MPPED2: variants seen among roughly 807,000 people sequenced by gnomAD.
MPPED2 encodes the protein metallophosphoesterase domain containing 2.
In MPPED2, 5 loss-of-function variants were observed where a neutral mutation model predicts 33.0. That is an observed-to-expected ratio of 0.15 (90% CI 0.08 to 0.32). The LOEUF (loss-of-function observed/expected upper bound fraction) is 0.32, where lower values mean the gene tolerates loss of function less well. MPPED2 is among the 10% of genes least tolerant of loss of function. MPPED2 has a pLI of 1.00. For synonymous variants in MPPED2, 136 were observed against 141.9 expected (o/e 0.96, Z 0.29); for missense variants, 275 against 372.1 (o/e 0.74, Z 2.15).
intron 4 of MPPED2, among the ~76,000 whole-genome samples, chr11:30,433,095 G>T (rs1186147977): frequency 1.3e-5 from 2 of 152,168 alleles, no homozygotes; most frequent in African/African-American, 2.4e-5. Context: ...GTGAACCAAG[G>T]TTTCCTGGTG....
Position 30,397,507 on chromosome 11 carries a change from GAC to G in MPPED2, c.767-8553_767-8552del, listed in dbSNP as rs375926540. ...ATAACATTGACTTAACTGTTTCACT[GAC>G]TGCTCTAAGTTCATCGGATTGTTCT... On this transcript the variant is annotated intron_variant, in intron 6 of 6. Coordinates refer to the MPPED2 transcript ENST00000448418. 3.6e-3 allele frequency among the ~76,000 whole-genome samples: 549 copies of G among 152,190 alleles called. 5 individuals carry two copies. Among genetic ancestry groups the G allele is most frequent in the African/African-American group, 0.013 (520 of 41,554 alleles).
chr11:30,543,398 G>A (rs774455542), intron 2 of MPPED2, among the ~76,000 whole-genome samples: 6 of 152,116 alleles, frequency 3.9e-5, no homozygotes, highest in Non-Finnish European at 7.4e-5. Flanking sequence ...CCATCTTCTA[G>A]CCTCTGTCCC....
chr11:30,524,561 G>A (rs866962990), intron 3 of MPPED2, among the ~76,000 whole-genome samples: 1 of 152,182 alleles, frequency 6.6e-6, no homozygotes, highest in Non-Finnish European at 1.5e-5. Flanking sequence ...GTGTTGTGAG[G>A]ATTAAATGAG....
chr11:30,523,617 A>G (rs1272362851), intron 3 of MPPED2, among the ~76,000 whole-genome samples: 3 of 143,384 alleles, frequency 2.1e-5, no homozygotes, highest in Non-Finnish European at 4.5e-5. Flanking sequence ...GGGAAGCAAC[A>G]CATCTTTTTT....
intron 6 of MPPED2, among the ~76,000 whole-genome samples, chr11:30,399,069 C>T (rs1947874565): frequency 6.6e-6 from 1 of 152,090 alleles, no homozygotes. Context: ...TTCATTAAAC[C>T]AACCACCATT....
intron 2 of MPPED2, among the ~76,000 whole-genome samples, chr11:30,552,382 G>T (rs983667274): frequency 3.3e-5 from 5 of 152,120 alleles, no homozygotes; most frequent in Admixed American, 1.3e-4. Context: ...GCTTACTAAA[G>T]TTAGGGATAA....
At chr11:30,540,664 G>T (rs1955050909) in intron 2 of MPPED2, among the ~76,000 whole-genome samples, 1 of 152,038 alleles carries the variant, frequency 6.6e-6, no homozygotes, top group Admixed American at 6.6e-5. Flanking sequence ...AGAATTAAAA[G>T]AAATCACATA....
At chr11:30,409,412 C>G (rs552168716), downstream of MPPED2, among the ~76,000 whole-genome samples, 43 of 152,320 alleles carry the variant, frequency 2.8e-4, no homozygotes, top group African/African-American at 9.9e-4. Context: ...GAAGCTCAAG[C>G]ATCTGCTCTG....
At chr11:30,462,430 T>C (rs1950547024) in intron 4 of MPPED2, among the ~76,000 whole-genome samples, 1 of 152,236 alleles carries the variant, frequency 6.6e-6, no homozygotes, top group African/African-American at 2.4e-5. Context: ...ATACACGCTC[T>C]GCATTAAAAA....
intron 4 of MPPED2, among the ~76,000 whole-genome samples, chr11:30,456,656 G>A (rs565359051): frequency 2.0e-5 from 3 of 152,218 alleles, no homozygotes; most frequent in Non-Finnish European, 4.4e-5. Flanking sequence ...CTGATATTCT[G>A]TAACCCTAAG....
chr11:30,488,538 C>A (rs1006048992), intron 4 of MPPED2, among the ~76,000 whole-genome samples: 1 of 152,202 alleles, frequency 6.6e-6, no homozygotes, highest in Non-Finnish European at 1.5e-5. Flanking sequence ...ACCAGTTCTG[C>A]ATAAACTGGC....
chr11:30,456,425 A>G (rs946902845), intron 4 of MPPED2, among the ~76,000 whole-genome samples: 3 of 152,190 alleles, frequency 2.0e-5, no homozygotes, highest in Non-Finnish European at 2.9e-5. Flanking sequence ...TTGACCATAT[A>G]TGGGGTAACA....
At chr11:30,506,081 G>A (rs1021380797) in intron 3 of MPPED2, among the ~76,000 whole-genome samples, 23 of 151,852 alleles carry the variant, frequency 1.5e-4, no homozygotes, top group Non-Finnish European at 2.6e-4. Context: ...TCTGTCACCC[G>A]GGTGAGAGTG....
intron 4 of MPPED2, among the ~76,000 whole-genome samples, 176 bp from the exon 5 acceptor site, chr11:30,417,809 A>T (rs1006867694): frequency 6.6e-6 from 1 of 152,186 alleles, no homozygotes; most frequent in South Asian, 2.1e-4. Flanking sequence ...TCCATTTGAA[A>T]GTAAGCGTGG....
intron 3 of MPPED2, among the ~76,000 whole-genome samples, chr11:30,517,783 T>C (rs1272069466): frequency 6.6e-6 from 1 of 152,164 alleles, no homozygotes; most frequent in African/African-American, 2.4e-5. Context: ...CCAAGCTTCT[T>C]GATCTTTCCT....
At chr11:30,422,120 C>T (rs879452866) in intron 4 of MPPED2, among the ~76,000 whole-genome samples, 4 of 152,232 alleles carry the variant, frequency 2.6e-5, no homozygotes, top group Admixed American at 6.5e-5. Flanking sequence ...TCAGTTTCCT[C>T]ACCTGAGCAA....
At chr11:30,503,554 T>A (rs1172585496) in intron 3 of MPPED2, among the ~76,000 whole-genome samples, 1 of 152,176 alleles carries the variant, frequency 6.6e-6, no homozygotes, top group East Asian at 1.9e-4. Context: ...AATTGATTAC[T>A]ATCTCCTATT....
At chr11:30,505,183 A>G (rs566978362) in intron 3 of MPPED2, among the ~76,000 whole-genome samples, 25 of 152,320 alleles carry the variant, frequency 1.6e-4, no homozygotes, top group Admixed American at 1.0e-3. Context: ...TTAGACCACG[A>G]AAACTGCCCA....
At chr11:30,583,803 C>T (rs1316723004) in intron 1 of MPPED2, among the ~76,000 whole-genome samples, 5 of 152,108 alleles carry the variant, frequency 3.3e-5, no homozygotes, top group African/African-American at 1.2e-4. Flanking sequence ...GAAAAGAGCC[C>T]GCGGTTTTCT....
Sources: gnomAD v4.1 joint callset for allele counts (sites outside exome capture counted in the v4.1 genomes callset) on GRCh38, gnomAD v4.1.1 for gene constraint, MANE v1.5 for transcripts, NCBI Gene and HGNC (gene_info 2026-07-23, HGNC 2026-07-21) for gene names.